The following SHISA6 variants were observed in gnomAD, a reference collection of about 807,000 sequenced individuals.
SHISA6 encodes shisa family member 6, also known as protein shisa-6.
Under a neutral mutation model 47.9 loss-of-function variants are expected in SHISA6, and 22 were observed. The observed-to-expected ratio is 0.46, with a 90% confidence interval of 0.33 to 0.66. The LOEUF (loss-of-function observed/expected upper bound fraction) is 0.66. Ranked by LOEUF, SHISA6 falls within the 30% of genes least tolerant of loss-of-function variation. The pLI is 0.02. For missense variants in SHISA6, 680 were observed against 764.6 expected (o/e 0.89, Z 1.30); for synonymous variants, 388 against 337.8 (o/e 1.15, Z -1.63).
intron 3 of SHISA6, among the ~76,000 whole-genome samples, chr17:11,472,772 C>T (rs1344161024): frequency 1.3e-5 from 2 of 152,182 alleles, no homozygotes; most frequent in African/African-American, 2.4e-5. Flanking sequence ...AGTGGTCATA[C>T]CATTTTGCAT....
At chr17:11,408,436 G>T (rs1282104887) in intron 3 of SHISA6, among the ~76,000 whole-genome samples, 1 of 152,128 alleles carries the variant, frequency 6.6e-6, no homozygotes, top group African/African-American at 2.4e-5. Context: ...AGGTGATTCT[G>T]ATGTGTGCCA....
chr17:11,277,280 T>TCTCTCTCTCTCTCTCTCTCTCTCTCTCA (rs1386997909), intron 2 of SHISA6, among the ~76,000 whole-genome samples: 1 of 53,864 alleles, frequency 1.9e-5, no homozygotes, highest in Non-Finnish European at 3.4e-5. Context: ...TCTCTCTCTC[T>TCTCTCTCTCTCTCTCTCTCTCTCTCTCA]CACACACACA....
chr17:11,416,640 C>T (rs548121480), intron 3 of SHISA6, among the ~76,000 whole-genome samples: 19 of 152,054 alleles, frequency 1.2e-4, no homozygotes, highest in Non-Finnish European at 2.1e-4. Context: ...ATAAATAAAA[C>T]ATAATTTATG....
At chr17:11,390,656 A>G (rs1393881116) in intron 3 of SHISA6, among the ~76,000 whole-genome samples, 1 of 152,196 alleles carries the variant, frequency 6.6e-6, no homozygotes, top group African/African-American at 2.4e-5. Flanking sequence ...GATCACTTCT[A>G]AGATTCATAT....
chr17:11,459,047 T>TAA (rs59949072), intron 3 of SHISA6, among the ~76,000 whole-genome samples: 4 of 145,506 alleles, frequency 2.7e-5, no homozygotes, highest in African/African-American at 1.0e-4. Flanking sequence ...CCGTCTCTAC[T>TAA]AAAAAAAAAA....
intron 3 of SHISA6, among the ~76,000 whole-genome samples, chr17:11,386,785 G>C (rs1258352794): frequency 1.3e-5 from 2 of 152,202 alleles, no homozygotes; most frequent in African/African-American, 4.8e-5. Flanking sequence ...GTGCAGGCAA[G>C]TGGGTGTATG....
intron 3 of SHISA6, among the ~76,000 whole-genome samples, chr17:11,436,099 T>C (rs1267624323): frequency 6.6e-6 from 1 of 152,192 alleles, no homozygotes; most frequent in African/African-American, 2.4e-5. Context: ...ATAGGCTGAA[T>C]GCCTGGGGAG....
intron 3 of SHISA6, among the ~76,000 whole-genome samples, chr17:11,517,084 G>C (rs1326708693): frequency 6.6e-6 from 1 of 152,172 alleles, no homozygotes; most frequent in Non-Finnish European, 1.5e-5. Flanking sequence ...GTATCCAGGA[G>C]ACTGTCAAAA....
intron 2 of SHISA6, among the ~76,000 whole-genome samples, chr17:11,323,729 T>G (rs1338379374): frequency 6.6e-6 from 1 of 151,796 alleles, no homozygotes; most frequent in East Asian, 1.9e-4. Context: ...AGCTGGGACT[T>G]CAACCTGTAG....
chr17:11,424,161 A>T (rs1914537873), intron 3 of SHISA6, among the ~76,000 whole-genome samples: 1 of 152,230 alleles, frequency 6.6e-6, no homozygotes, highest in Non-Finnish European at 1.5e-5. Flanking sequence ...AGTTTTCAAC[A>T]TTGATGAATG....
intron 2 of SHISA6, among the ~76,000 whole-genome samples, chr17:11,278,119 G>C (rs1489597335): frequency 6.6e-6 from 1 of 152,176 alleles, no homozygotes; most frequent in Admixed American, 6.5e-5. Context: ...TGCTGTGGCT[G>C]TCCTCTGTGC....
intron 2 of SHISA6, among the ~76,000 whole-genome samples, chr17:11,326,071 G>A (rs1364970256): frequency 6.6e-6 from 1 of 152,040 alleles, no homozygotes; most frequent in Non-Finnish European, 1.5e-5. Flanking sequence ...GAGATCGTTA[G>A]CCATCCTGGC....
At chr17:11,389,542 C>T (rs750015877) in intron 3 of SHISA6, among the ~76,000 whole-genome samples, 2 of 152,198 alleles carry the variant, frequency 1.3e-5, no homozygotes, top group South Asian at 2.1e-4. Flanking sequence ...GGGAGGCTCA[C>T]GGGAAGTCTG....
At chr17:11,265,464 G>C (rs1439966452) in intron 2 of SHISA6, among the ~76,000 whole-genome samples, 1 of 152,140 alleles carries the variant, frequency 6.6e-6, no homozygotes, top group Non-Finnish European at 1.5e-5. Flanking sequence ...ACACTTCCCA[G>C]GTGATTCTAA....
chr17:11,327,318 C>T (rs1206980092), intron 2 of SHISA6, among the ~76,000 whole-genome samples: 1 of 152,174 alleles, frequency 6.6e-6, no homozygotes, highest in Admixed American at 6.5e-5. Context: ...TTCTACTGCT[C>T]ACTAACCAAA....
At chr17:11,420,160 C>A (rs377310532) in intron 3 of SHISA6, among the ~76,000 whole-genome samples, 7 of 152,228 alleles carry the variant, frequency 4.6e-5, no homozygotes, top group African/African-American at 9.6e-5. Context: ...GCCAAGATTG[C>A]GCCACTGCAC....
intron 2 of SHISA6, among the ~76,000 whole-genome samples, chr17:11,343,088 T>C (rs1911591672): frequency 6.6e-6 from 1 of 152,216 alleles, no homozygotes; most frequent in African/African-American, 2.4e-5. Context: ...GAACTCCTAA[T>C]TCTCATTCCA....
intron 3 of SHISA6, among the ~76,000 whole-genome samples, chr17:11,436,089 A>G (rs1914930761): frequency 6.6e-6 from 1 of 152,210 alleles, no homozygotes; most frequent in African/African-American, 2.4e-5. Flanking sequence ...GTCAAGGGCC[A>G]TAGGCTGAAT....
rs554706223 is a variant in SHISA6 at position 11,253,444 on chromosome 17, G to C, written c.639-9922G>C. Among the ~76,000 whole-genome samples, 4 of 152,254 alleles carry C rather than the reference G, an allele frequency of 2.6e-5. No individual in the cohort carries two copies. The East Asian group carries it at 7.7e-4, about 29-fold the overall frequency. ...ATTGTTTACAGGCGGGCTCTTAGTA[G>C]ACAGTTGGCATGTTAATTCCAAATC... On this transcript the variant is annotated intron_variant, in intron 1 of 5. Coordinates refer to ENST00000441885, the MANE Select transcript of SHISA6 (RefSeq NM_207386.4).
Sources: allele counts gnomAD v4.1 joint callset (sites outside exome capture counted in the v4.1 genomes callset), GRCh38; gene constraint gnomAD v4.1.1; transcripts MANE v1.5; gene names NCBI Gene and HGNC (gene_info 2026-07-23, HGNC 2026-07-21).